The following SOCS7 variants were observed in gnomAD, a reference collection of about 807,000 sequenced individuals.
The protein encoded by SOCS7 is suppressor of cytokine signaling 7.
A neutral mutation model predicts 58.9 loss-of-function variants in SOCS7; 18 were observed. That is an observed-to-expected ratio of 0.31 (90% CI 0.21 to 0.45). The LOEUF is 0.45. SOCS7 is among the 20% of genes least tolerant of loss of function. The pLI is 1.00. For missense variants in SOCS7, 667 were observed against 837.3 expected, an observed-to-expected ratio of 0.80 and a Z score of 2.51; for synonymous variants, 388 against 364.3, an observed-to-expected ratio of 1.06 and a Z score of -0.74.
At chr17:38,388,014 C>T (rs1397372967) in intron 7 of SOCS7, among the ~76,000 whole-genome samples, 2 of 151,878 alleles carry the variant, frequency 1.3e-5, no homozygotes, top group Non-Finnish European at 2.9e-5. Flanking sequence ...TCAGGTGATC[C>T]AACTGCATTG....
At chr17:38,363,150 G>T (rs975728360) in intron 2 of SOCS7, among the ~76,000 whole-genome samples, 2 of 152,002 alleles carry the variant, frequency 1.3e-5, no homozygotes, top group Non-Finnish European at 2.9e-5. Context: ...GTAGTTTGAG[G>T]TTCAGGTCAG....
In SOCS7 at chr17:38,401,575, A is replaced by G. The variant is rs2038319587; in HGVS notation, c.*2093A>G. 6.6e-6 allele frequency: 1 copy of G among 152,228 alleles called. No individual in the cohort carries two copies. Among genetic ancestry groups the G allele is most frequent in the Admixed American group, 6.5e-5 (1 of 15,280 alleles). 9.4% of individuals were successfully genotyped at this position (152,228 alleles called of 1,614,324 possible). A position where few individuals can be genotyped will look rare whatever the true frequency, so the allele number is the denominator to read the frequency against. On this transcript the variant is annotated 3_prime_UTR_variant, in exon 10 of 10. Coordinates refer to ENST00000612932, the MANE Select transcript of SOCS7 (RefSeq NM_014598.4). ...AGGTAAAAGACGTAATATGTGGCCTAAGGGAGCTTTTAGGTGACTGCTGCA... is the reference window on the plus strand; with the variant it reads ...AGGTAAAAGACGTAATATGTGGCCTGAGGGAGCTTTTAGGTGACTGCTGCA...
At chr17:38,359,788 A>C (rs910883456) in intron 1 of SOCS7, among the ~76,000 whole-genome samples, 15 of 151,332 alleles carry the variant, frequency 9.9e-5, no homozygotes, top group African/African-American at 3.1e-4. Context: ...AATTAAAAAA[A>C]ATTTTTTTTT....
At chr17:38,364,499 A>G (rs1254992999) in intron 2 of SOCS7, among the ~76,000 whole-genome samples, 1 of 152,108 alleles carries the variant, frequency 6.6e-6, no homozygotes, top group Non-Finnish European at 1.5e-5. Flanking sequence ...CCAGAATTAG[A>G]TGGTTTTTCC....
intron 4 of SOCS7, chr17:38,365,711 T>G: frequency 3.5e-6 from 1 of 284,796 alleles, no homozygotes; most frequent in Non-Finnish European, 6.4e-6. Flanking sequence ...AGAAACTGCC[T>G]TAATTTCAGG....
rs1245646044 is a variant in SOCS7 at position 38,352,039 on chromosome 17, C to A, written c.-14C>A. On this transcript the variant is annotated 5_prime_UTR_variant, in exon 1 of 10. Coordinates refer to ENST00000612932, the MANE Select transcript of SOCS7 (RefSeq NM_014598.4). The surrounding 1 kb of genome is among the most constrained non-coding windows in gnomAD (Gnocchi z 5.5). ...GCCCGGCTCCCAGCCGCCCGCCCTC[C>A]CTCCCTCTCCCCGATGCAGGAGGCC... 6.6e-6 allele frequency among the ~76,000 whole-genome samples: 1 copy of A among 151,208 alleles called. No homozygotes were observed. Among genetic ancestry groups the A allele is most frequent in the African/African-American group, 2.4e-5 (1 of 41,338 alleles).
At chr17:38,364,297 G>A (rs2037758145) in intron 2 of SOCS7, among the ~76,000 whole-genome samples, 2 of 152,182 alleles carry the variant, frequency 1.3e-5, no homozygotes, top group Non-Finnish European at 2.9e-5. Flanking sequence ...AACTTTATCT[G>A]CATTCAGCTT....
intron 1 of SOCS7, among the ~76,000 whole-genome samples, chr17:38,360,625 C>G (rs368158769): frequency 2.0e-5 from 3 of 152,072 alleles, no homozygotes; most frequent in East Asian, 3.9e-4. Context: ...CTGCAAGCTC[C>G]GCCTCCTGGG....
intron 1 of SOCS7, among the ~76,000 whole-genome samples, chr17:38,359,588 C>T (rs1165996378): frequency 1.3e-5 from 2 of 151,988 alleles, no homozygotes; most frequent in Non-Finnish European, 2.9e-5. Context: ...TTTGCTTTTG[C>T]CCCTCTCTAT....
chr17:38,362,033 G>GCTTA (rs1339769168), intron 2 of SOCS7, among the ~76,000 whole-genome samples: 1 of 152,166 alleles, frequency 6.6e-6, no homozygotes, highest in Admixed American at 6.5e-5. Context: ...GTTATGCAGT[G>GCTTA]CTTAGTTCAG....
chr17:38,405,429 G>C lies in SOCS7; in HGVS notation c.*5947G>C, dbSNP rs1239475632. ...TAAAGGGACGTTAGTAGCTGCTGCAGGTCCTGTTTGGAAACCCCATGTACA... is the reference window on the plus strand; with the variant it reads ...TAAAGGGACGTTAGTAGCTGCTGCACGTCCTGTTTGGAAACCCCATGTACA... On this transcript the variant is annotated 3_prime_UTR_variant, in exon 10 of 10. Transcript: ENST00000612932. 1 of 152,070 alleles carries C rather than the reference G, an allele frequency of 6.6e-6. No individual in the cohort carries two copies. Among genetic ancestry groups the C allele is most frequent in the African/African-American group, 2.4e-5 (1 of 41,422 alleles). 9.4% of individuals were successfully genotyped at this position (152,070 alleles called of 1,614,324 possible). A position where few individuals can be genotyped will look rare whatever the true frequency, so the allele number is the denominator to read the frequency against.
chr17:38,384,951 C>T (rs928251764), intron 7 of SOCS7, among the ~76,000 whole-genome samples: 1 of 133,208 alleles, frequency 7.5e-6, no homozygotes, highest in African/African-American at 2.9e-5. Flanking sequence ...GGCTAGAGTG[C>T]AGTGGCGCAA....
intron 2 of SOCS7, 95 bp from the exon 3 acceptor site, chr17:38,364,657 C>T: frequency 1.0e-6 from 1 of 975,794 alleles, no homozygotes. Flanking sequence ...CAGCAGACCC[C>T]CAGCCTCGCC....
chr17:38,373,517 C>G (rs1300091547), intron 6 of SOCS7, among the ~76,000 whole-genome samples: 2 of 152,186 alleles, frequency 1.3e-5, no homozygotes, highest in Non-Finnish European at 2.9e-5. Context: ...TGGTTTTGTG[C>G]AAATGCAATT....
chr17:38,353,880 C>T (rs140342731), intron 1 of SOCS7, among the ~76,000 whole-genome samples: 2 of 152,286 alleles, frequency 1.3e-5, no homozygotes, highest in East Asian at 1.9e-4. Context: ...GAATAGTGAT[C>T]GTGCCACTGC....
At position 38,352,954 on chromosome 17, in the gene SOCS7, C is replaced by T; in HGVS notation, c.902C>T (p.Pro301Leu). Residue 301 changes from proline to leucine, a missense_variant, in exon 1 of 10, where the codon CCT becomes CTT. Physicochemically the swap from Pro to Leu is moderately conservative, Grantham distance 98. Coordinates refer to ENST00000612932, the MANE Select transcript of SOCS7 (RefSeq NM_014598.4). The surrounding 1 kb of genome is among the most constrained non-coding windows in gnomAD (Gnocchi z 5.5). Reference protein sequence around the residue: ...SGGGDGTGKRPSGELAASAAS... With the variant: ...SGGGDGTGKRLSGELAASAAS... ...GGTGGGGATGGGACCGGCAAGAGGC[C>T]TTCTGGAGAGCTGGCTGCTTCAGCT... The T allele has an allele frequency of 6.2e-7, 1 of 1,608,180 alleles. No homozygotes were observed. The highest frequency in any genetic ancestry group is 8.5e-7 in the Non-Finnish European group (1 of 1,178,598).
rs2037560753 is a variant in SOCS7, at chr17:38,352,108, G to A, written c.56G>A (p.Arg19His). 3.3e-6 allele frequency: 2 copies of A among 607,750 alleles called. No individual in the cohort carries two copies. The highest frequency in any genetic ancestry group is 7.3e-5 in the East Asian group (1 of 13,672). 37.6% of individuals were successfully genotyped at this position (607,750 alleles called of 1,614,324 possible). The part of the protein sequence containing the change: ...GEAAAAAASY[R>H]VLSRLLGYGE... ...GCGGCGGCGGCGGCCGCTTCGTACC[G>A]CGTCCTGAGCCGCCTCCTTGGCTAT... Residue 19 changes from arginine to histidine, a missense_variant, in exon 1 of 10, where the codon CGC (arginine) becomes CAC (histidine). Around this residue, in one of 9 missense-constraint regions of SOCS7, gnomAD observed 65 missense variants for 51.0 expected, o/e 1.27. Coordinates refer to ENST00000612932, the MANE Select transcript of SOCS7 (RefSeq NM_014598.4). This position sits in a 1 kb window ranked among gnomAD's most constrained non-coding sequence, Gnocchi z 5.5.
chr17:38,392,144 ATTGT>A, intron 7 of SOCS7, among the ~76,000 whole-genome samples: 1 of 152,298 alleles, frequency 6.6e-6, no homozygotes, highest in South Asian at 2.1e-4. Context: ...GAGAGTTCTA[ATTGT>A]TTGTTGGCGT....
intron 6 of SOCS7, among the ~76,000 whole-genome samples, chr17:38,377,230 A>AT (rs1324902714): frequency 1.3e-5 from 2 of 152,342 alleles, no homozygotes; most frequent in East Asian, 1.9e-4. Flanking sequence ...ATTTTATATC[A>AT]TTTTTTCTGA....
Sources: allele counts gnomAD v4.1 joint callset (sites outside exome capture counted in the v4.1 genomes callset), GRCh38; gene constraint gnomAD v4.1.1; regional missense constraint gnomAD v4.1.1; non-coding constraint Gnocchi (gnomAD v3.1); transcripts MANE v1.5; gene names NCBI Gene and HGNC (gene_info 2026-07-23, HGNC 2026-07-21).